The following COL4A6 variants were observed in gnomAD, a reference collection of about 807,000 sequenced individuals.
COL4A6 encodes collagen type IV alpha 6 chain, also known as collagen alpha-6(IV) chain.
COL4A6 carries 59 observed loss-of-function variants against 126.7 expected under a neutral mutation model. That is an observed-to-expected ratio of 0.47 (90% CI 0.38 to 0.58). The LOEUF (loss-of-function observed/expected upper bound fraction) is 0.58, where lower values mean the gene tolerates loss of function less well. COL4A6 is among the 20% of genes least tolerant of loss of function. COL4A6 has a pLI of 0.00. For missense variants in COL4A6, 1,285 were observed against 1,337.3 expected (o/e 0.96, Z 0.61); for synonymous variants, 547 against 496.6 (o/e 1.10, Z -1.35).
intron 2 of COL4A6, among the ~76,000 whole-genome samples, chrX:108,338,339 G>A (rs187548889): frequency 4.7e-4 from 53 of 112,297 alleles, no homozygotes; most frequent in African/African-American, 1.6e-3. Context: ...TAGGCATAGG[G>A]ATTTGAGGTT....
At chrX:108,411,011 G>A (rs1232254882) in intron 2 of COL4A6, among the ~76,000 whole-genome samples, 3 of 112,448 alleles carry the variant, frequency 2.7e-5, no homozygotes, top group Non-Finnish European at 5.6e-5. Context: ...ATAGGAAGAA[G>A]GCAGAAATGC....
chrX:108,437,507 A>C (rs1262628239), intron 2 of COL4A6, among the ~76,000 whole-genome samples: 1 of 111,648 alleles, frequency 9.0e-6, no homozygotes, highest in African/African-American at 3.3e-5. Context: ...CTAAGCATGT[A>C]CTTAAGTTTC....
chrX:108,180,248 C>T (rs1428392089), intron 25 of COL4A6, among the ~76,000 whole-genome samples: 1 of 111,650 alleles, frequency 9.0e-6, no homozygotes, highest in East Asian at 2.8e-4. Context: ...AGTCATTTCC[C>T]ATCTGGGCCT....
At chrX:108,279,613 G>C (rs2037737465) in intron 3 of COL4A6, among the ~76,000 whole-genome samples, 1 of 111,347 alleles carries the variant, frequency 9.0e-6, no homozygotes, top group Non-Finnish European at 1.9e-5. Flanking sequence ...GGATACCCAG[G>C]AATTGAACTC....
At chrX:108,352,723 T>G (rs1230183120) in intron 2 of COL4A6, among the ~76,000 whole-genome samples, 2 of 112,403 alleles carry the variant, frequency 1.8e-5, no homozygotes, top group Admixed American at 9.4e-5. Context: ...TAGGTCTGAA[T>G]TTTTAAGATA....
chrX:108,352,467 C>A (rs774410293), intron 2 of COL4A6, among the ~76,000 whole-genome samples: 50 of 112,126 alleles, frequency 4.5e-4, no homozygotes, highest in Middle Eastern at 4.6e-3. Flanking sequence ...GAGAAATTAA[C>A]CACAAACAAG....
intron 4 of COL4A6, 98 bp from the exon 5 acceptor site, chrX:108,219,840 A>G: frequency 1.4e-6 from 1 of 733,514 alleles, no homozygotes; most frequent in Non-Finnish European, 2.1e-6. Flanking sequence ...CATTTTTAAG[A>G]AGTGTTTCGT....
chrX:108,219,814 G>T, intron 4 of COL4A6, 72 bp from the exon 5 acceptor site: 1 of 867,168 alleles, frequency 1.2e-6, no homozygotes, highest in Non-Finnish European at 1.7e-6. Flanking sequence ...GTAGGTTTAT[G>T]AGAGTCAATG....
intron 2 of COL4A6, among the ~76,000 whole-genome samples, chrX:108,395,918 G>T (rs2040953359): frequency 9.0e-6 from 1 of 111,297 alleles, no homozygotes; most frequent in African/African-American, 3.3e-5. Context: ...ATTTAAACAT[G>T]GCTGATCCAG....
At chrX:108,282,963 C>A (rs1009252546) in intron 3 of COL4A6, among the ~76,000 whole-genome samples, 4 of 85,221 alleles carry the variant, frequency 4.7e-5, no homozygotes, top group Non-Finnish European at 8.6e-5. Flanking sequence ...CACATGGACA[C>A]AGGAAGGGGA....
rs772087097 is a variant in COL4A6, at chrX:108,164,610, T to A, written c.4059A>T (p.Ala1353=). The change falls in exon 40 of 45, where the codon GCA becomes GCT. Residue 1353 remains alanine (A), a synonymous_variant. Coordinates refer to ENST00000334504, the MANE Select transcript of COL4A6 (RefSeq NM_033641.4). ...DPGFPGMKGK[A]GPRGSSGLQG... Reference sequence around the variant, plus strand: ...ATGCTCTCAACTTACCTCTTGGCCCTGCCTTCCCCTTCATTCCGGGAAATC... The same window carrying A: ...ATGCTCTCAACTTACCTCTTGGCCCAGCCTTCCCCTTCATTCCGGGAAATC... The A allele has an allele frequency of 8.3e-7, 1 of 1,211,473 alleles. No individual in the cohort carries two copies. The highest frequency in any genetic ancestry group is 2.2e-5 in the Admixed American group (1 of 46,075).
At chrX:108,414,703 G>T (rs1398907346) in intron 2 of COL4A6, among the ~76,000 whole-genome samples, 1 of 110,490 alleles carries the variant, frequency 9.1e-6, no homozygotes, top group East Asian at 2.8e-4. Context: ...GAGGTGGAAG[G>T]ATCACTTGAG....
At chrX:108,277,318 C>T (rs1197958539) in intron 3 of COL4A6, among the ~76,000 whole-genome samples, 2 of 112,054 alleles carry the variant, frequency 1.8e-5, no homozygotes, top group Non-Finnish European at 1.9e-5. Flanking sequence ...GCTTAAAAAA[C>T]GGCGCACCAG....
rs1340100120 is a variant in COL4A6, at chrX:108,172,654, G to T, written c.3139-122C>A. On this transcript the variant is annotated intron_variant, in intron 31 of 44. Coordinates refer to ENST00000334504, the MANE Select transcript of COL4A6 (RefSeq NM_033641.4). ...GTCCATCATGTATTCTGTGGCAAGG[G>T]TGGACTGTGGGCTGGAAGTGGGGAT... is the stretch of plus-strand genomic sequence containing the variant. 5.9e-6 allele frequency: 3 copies of T among 505,544 alleles called. No homozygotes were observed. The Admixed American group carries it at 1.0e-4, about 18-fold the overall frequency. 41.7% of individuals were successfully genotyped at this position (505,544 alleles called of 1,213,427 possible).
intron 2 of COL4A6, among the ~76,000 whole-genome samples, chrX:108,407,189 T>C (rs2041224504): frequency 8.9e-6 from 1 of 112,342 alleles, no homozygotes; most frequent in Non-Finnish European, 1.9e-5. Flanking sequence ...GCAACTTTTA[T>C]AACCAGAAAC....
intron 13 of COL4A6, among the ~76,000 whole-genome samples, chrX:108,202,058 G>A (rs1376462536): frequency 8.1e-5 from 9 of 110,992 alleles, no homozygotes; most frequent in Admixed American, 2.9e-4. Flanking sequence ...CAAGGTCTTC[G>A]CACTTACGGT....
At chrX:108,275,358 A>G (rs747354015) in intron 3 of COL4A6, among the ~76,000 whole-genome samples, 5 of 112,173 alleles carry the variant, frequency 4.5e-5, no homozygotes, top group Non-Finnish European at 7.5e-5. Flanking sequence ...CCTATATTCA[A>G]GACAAGCCAA....
chrX:108,187,311 T>C, intron 22 of COL4A6, 32 bp from the exon 23 acceptor site: 1 of 1,061,708 alleles, frequency 9.4e-7, no homozygotes. Flanking sequence ...GAATGAAAAT[T>C]CAACTCAGAG....
At chrX:108,332,950 T>C (rs1260384129) in intron 2 of COL4A6, among the ~76,000 whole-genome samples, 2 of 111,396 alleles carry the variant, frequency 1.8e-5, no homozygotes, top group Non-Finnish European at 3.8e-5. Flanking sequence ...TTTTTTTTTC[T>C]AGAATTTTTA....
Sources: allele counts gnomAD v4.1 joint callset (sites outside exome capture counted in the v4.1 genomes callset), GRCh38; gene constraint gnomAD v4.1.1; transcripts MANE v1.5; gene names NCBI Gene and HGNC (gene_info 2026-07-23, HGNC 2026-07-21).